LTBP1: variants seen among roughly 807,000 people sequenced by gnomAD.
The protein encoded by LTBP1 is latent-transforming growth factor beta-binding protein 1.
In LTBP1, 129 loss-of-function variants were observed where a neutral mutation model predicts 207.6. The observed-to-expected ratio is 0.62, with a 90% CI of 0.54 to 0.72. The LOEUF is 0.72. Among genes scored for constraint, LTBP1 ranks in the 30% least tolerant of loss-of-function variants. LTBP1 has a pLI of 0.00. For synonymous variants in LTBP1, 963 were observed against 833.7 expected (o/e 1.16, Z -2.67); for missense variants, 2,281 against 2,217.2 (o/e 1.03, Z -0.58).
chr2:33,131,400 A>G (rs2081780376), intron 4 of LTBP1, among the ~76,000 whole-genome samples: 2 of 152,218 alleles, frequency 1.3e-5, no homozygotes, highest in Non-Finnish European at 2.9e-5. Flanking sequence ...TGTTTGATGA[A>G]CTTTAAAACT....
At chr2:33,179,875 T>C (rs893405469) in intron 5 of LTBP1, among the ~76,000 whole-genome samples, 3 of 152,192 alleles carry the variant, frequency 2.0e-5, no homozygotes, top group African/African-American at 7.2e-5. Context: ...CTGTCTACTT[T>C]TACAGACTGC....
Position 33,196,102 on chromosome 2 carries a change from GACAGA to G in LTBP1, c.1701+7252_1701+7256del, listed in dbSNP as rs1450166540. ...TGACTTTTATTTGCACTGGGAAACT[GACAGA>G]TTCATGTGAGTCGCTTTATTGTGAT... is the stretch of plus-strand genomic sequence containing the variant. On this transcript the variant is annotated intron_variant, in intron 7 of 33. Coordinates refer to ENST00000404816, the MANE Select transcript of LTBP1 (RefSeq NM_206943.4). 7.9e-5 allele frequency among the ~76,000 whole-genome samples: 12 copies of G among 152,188 alleles called. 1 individual carries two copies. The highest frequency in any genetic ancestry group is 2.4e-5 in the African/African-American group (1 of 41,452).
At chr2:33,083,919 C>T (rs1021542958) in intron 3 of LTBP1, among the ~76,000 whole-genome samples, 3 of 152,052 alleles carry the variant, frequency 2.0e-5, no homozygotes, top group Admixed American at 6.6e-5. Context: ...GTTTTTTGAC[C>T]TGGAAGGACA....
chr2:33,339,936 C>T (rs567052449), intron 24 of LTBP1, among the ~76,000 whole-genome samples: 5 of 152,152 alleles, frequency 3.3e-5, no homozygotes, highest in East Asian at 3.9e-4. Flanking sequence ...TGAGCCACCG[C>T]GCCGGGCTTC....
intron 3 of LTBP1, among the ~76,000 whole-genome samples, chr2:33,054,606 A>G (rs1363310606): frequency 1.1e-4 from 16 of 152,182 alleles, no homozygotes; most frequent in African/African-American, 3.1e-4. Context: ...AAGTCTCCCA[A>G]TTAAAACTGA....
intron 9 of LTBP1, among the ~76,000 whole-genome samples, chr2:33,225,319 C>T (rs1294512417): frequency 1.3e-5 from 2 of 152,158 alleles, no homozygotes; most frequent in Non-Finnish European, 2.9e-5. Context: ...AGAACTTATT[C>T]TTCCTATTTA....
intron 4 of LTBP1, among the ~76,000 whole-genome samples, chr2:33,116,368 A>T (rs985416310): frequency 6.6e-6 from 1 of 152,210 alleles, no homozygotes. Flanking sequence ...TAGTTCTTTA[A>T]ATTCAACAAG....
intron 7 of LTBP1, among the ~76,000 whole-genome samples, chr2:33,198,366 G>A (rs1017023573): frequency 6.6e-6 from 1 of 151,942 alleles, no homozygotes; most frequent in African/African-American, 2.4e-5. Flanking sequence ...TCTCTTTTTT[G>A]GTTGTGTCTC....
chr2:33,088,002 G>T (rs756799276), intron 3 of LTBP1, among the ~76,000 whole-genome samples: 2 of 152,150 alleles, frequency 1.3e-5, no homozygotes, highest in Non-Finnish European at 2.9e-5. Context: ...TAAAAATTTG[G>T]TGCTGAAATA....
At chr2:33,049,257 A>G (rs58655331) in intron 3 of LTBP1, among the ~76,000 whole-genome samples, 1,849 of 152,344 alleles carry the variant, frequency 0.012, 47 homozygotes, top group African/African-American at 0.042. Context: ...AAATTTGTCA[A>G]AATGTAACAT....
At chr2:33,149,794 A>AT (rs958275115) in intron 5 of LTBP1, among the ~76,000 whole-genome samples, 1 of 152,176 alleles carries the variant, frequency 6.6e-6, no homozygotes, top group African/African-American at 2.4e-5. Context: ...AGCACTGACC[A>AT]TTGCTACTGT....
At chr2:33,076,501 G>C (rs114077312) in intron 3 of LTBP1, among the ~76,000 whole-genome samples, 1 of 151,908 alleles carries the variant, frequency 6.6e-6, no homozygotes, top group Non-Finnish European at 1.5e-5. Context: ...GACTGTTAGC[G>C]AGGGAGGGGG....
At chr2:33,135,081 G>A (rs772419425) in intron 5 of LTBP1, 121 bp downstream of exon 5, 13 of 1,009,092 alleles carry the variant, frequency 1.3e-5, no homozygotes, top group East Asian at 2.7e-5. Flanking sequence ...CTATGAGTAC[G>A]AGTATGTTTC....
intron 7 of LTBP1, among the ~76,000 whole-genome samples, chr2:33,214,951 G>A (rs966127355): frequency 6.6e-6 from 1 of 151,820 alleles, no homozygotes. Context: ...TTTTATATTA[G>A]GGAAGTTCAT....
intron 7 of LTBP1, among the ~76,000 whole-genome samples, chr2:33,198,239 G>T (rs2088800833): frequency 6.6e-6 from 1 of 152,144 alleles, no homozygotes; most frequent in Non-Finnish European, 1.5e-5. Flanking sequence ...TGCATCCCAG[G>T]GATGAAGCCC....
chr2:33,171,391 T>C (rs2085434052), intron 5 of LTBP1, among the ~76,000 whole-genome samples: 4 of 147,416 alleles, frequency 2.7e-5, no homozygotes, highest in Admixed American at 2.1e-4. Context: ...TGCGATCAAC[T>C]GGAAGAAAGG....
At chr2:33,334,477 G>A (rs1304204511) in intron 24 of LTBP1, among the ~76,000 whole-genome samples, 2 of 152,210 alleles carry the variant, frequency 1.3e-5, no homozygotes, top group African/African-American at 2.4e-5. Context: ...GCAGGAATTC[G>A]AGTGAAAGAT....
chr2:33,356,492 A>G (rs2094862246), intron 26 of LTBP1, among the ~76,000 whole-genome samples: 1 of 152,162 alleles, frequency 6.6e-6, no homozygotes, highest in African/African-American at 2.4e-5. Context: ...ATCCTGGCTA[A>G]CATGGTGAAA....
chr2:33,397,332 G>A (rs774929228), intron 33 of LTBP1, 50 bp downstream of exon 33: 14 of 1,595,158 alleles, frequency 8.8e-6, no homozygotes, highest in Admixed American at 3.3e-5. Flanking sequence ...CTGACACCCC[G>A]TATCTCAGTC....
Sources: allele counts gnomAD v4.1 joint callset (sites outside exome capture counted in the v4.1 genomes callset), GRCh38; gene constraint gnomAD v4.1.1; transcripts MANE v1.5; gene names NCBI Gene and HGNC (gene_info 2026-07-23, HGNC 2026-07-21).